The following ZNF184 variants were observed in gnomAD, a reference collection of about 807,000 sequenced individuals.
ZNF184 encodes zinc finger protein 184 (Kruppel-like).
In ZNF184, 16 loss-of-function variants were observed where a neutral mutation model predicts 54.4. That is an observed-to-expected ratio of 0.29 (90% CI 0.20 to 0.45). The LOEUF (loss-of-function observed/expected upper bound fraction) is 0.45. ZNF184 is among the 20% of genes least tolerant of loss of function. ZNF184 has a pLI of 1.00. For missense variants in ZNF184, 681 were observed against 888.2 expected, an observed-to-expected ratio of 0.77 and a Z score of 2.97; for synonymous variants, 254 against 295.3, an observed-to-expected ratio of 0.86 and a Z score of 1.43.
rs542830377 is a variant in ZNF184 at position 27,462,411 on chromosome 6, A to G, written c.76-5002T>C. Among the ~76,000 whole-genome samples the G allele has an allele frequency of 1.5e-3, 230 of 151,678 alleles. 1 individual carries two copies. Among genetic ancestry groups the G allele is most frequent in the African/African-American group, 5.0e-3 (205 of 41,356 alleles). Reference sequence around the variant, plus strand: ...GACGGGGTTTCACTGTGTTAGCCAGAATGATCTCGATCTGCTGACCTCGTG... The same window carrying G: ...GACGGGGTTTCACTGTGTTAGCCAGGATGATCTCGATCTGCTGACCTCGTG... On this transcript the variant is annotated intron_variant, in intron 3 of 5. Coordinates refer to ENST00000683788, the MANE Select transcript of ZNF184 (RefSeq NM_001318891.2).
In ZNF184 at chr6:27,467,940, C is replaced by A; in HGVS notation, c.8-20G>T. ...ACAGATCTAGGGGGAGAAGCAGGAG[C>A]CATATGACTTCTGTTCAATTTAGCC... On this transcript the variant is annotated intron_variant, in intron 2 of 5. Coordinates refer to ENST00000683788, the MANE Select transcript of ZNF184 (RefSeq NM_001318891.2). 1.9e-6 allele frequency: 3 copies of A among 1,561,530 alleles called. No individual in the cohort carries two copies. Among genetic ancestry groups the A allele is most frequent in the Non-Finnish European group, 2.6e-6 (3 of 1,150,182 alleles).
At chr6:27,460,418 A>G (rs559665317) in intron 3 of ZNF184, among the ~76,000 whole-genome samples, 56 of 152,344 alleles carry the variant, frequency 3.7e-4, no homozygotes, top group African/African-American at 1.3e-3. Context: ...TATAAATAAA[A>G]CTGAACAATA....
At chr6:27,425,067 C>T in the ZNF184 span, among the ~76,000 whole-genome samples, 1 of 152,224 alleles carries the variant, frequency 6.6e-6, no homozygotes, top group Non-Finnish European at 1.5e-5. Flanking sequence ...GCCGCTGGCC[C>T]AGGTGCCAAG....
chr6:27,429,285 C>T, the ZNF184 span, among the ~76,000 whole-genome samples: 10 of 152,280 alleles, frequency 6.6e-5, no homozygotes, highest in South Asian at 4.1e-4. Context: ...CTTCCTTTTG[C>T]GACAAACTTG....
the ZNF184 span, among the ~76,000 whole-genome samples, chr6:27,418,409 A>G: frequency 7.9e-5 from 12 of 152,306 alleles, no homozygotes; most frequent in Admixed American, 4.6e-4. Context: ...TTTGTTTAAT[A>G]TATTTTGTCC....
the ZNF184 span, among the ~76,000 whole-genome samples, chr6:27,413,281 CAG>C: frequency 6.6e-6 from 1 of 151,922 alleles, no homozygotes; most frequent in Non-Finnish European, 1.5e-5. Context: ...GAAAAAAAAA[CAG>C]ATTTAAGAAA....
intron 3 of ZNF184, among the ~76,000 whole-genome samples, chr6:27,458,124 A>C (rs1259084584): frequency 6.6e-6 from 1 of 152,024 alleles, no homozygotes; most frequent in African/African-American, 2.4e-5. Flanking sequence ...ATCGTAAAGA[A>C]AAAGTCAAAA....
At chr6:27,413,192 A>G in the ZNF184 span, among the ~76,000 whole-genome samples, 2 of 152,182 alleles carry the variant, frequency 1.3e-5, no homozygotes, top group Non-Finnish European at 2.9e-5. Context: ...TGGGAGGTGG[A>G]GGTTGTCGTG....
intron 3 of ZNF184, among the ~76,000 whole-genome samples, chr6:27,465,713 T>C (rs1438275917): frequency 6.6e-6 from 1 of 152,176 alleles, no homozygotes; most frequent in Non-Finnish European, 1.5e-5. Context: ...TAAATGTTTA[T>C]GCACCTAATA....
the ZNF184 span, chr6:27,406,790 A>C: frequency 6.6e-6 from 1 of 152,150 alleles, no homozygotes; most frequent in African/African-American, 2.4e-5. Flanking sequence ...CTCATGCTCT[A>C]TTTTCTGGCA....
At chr6:27,421,377 A>G in the ZNF184 span, among the ~76,000 whole-genome samples, 1 of 152,204 alleles carries the variant, frequency 6.6e-6, no homozygotes, top group Admixed American at 6.5e-5. Flanking sequence ...TTTTTTCATG[A>G]ACCTAAAACT....
At chr6:27,444,025 C>T in the ZNF184 span, among the ~76,000 whole-genome samples, 1 of 152,172 alleles carries the variant, frequency 6.6e-6, no homozygotes, top group Non-Finnish European at 1.5e-5. Flanking sequence ...GAACTCACGA[C>T]CCAATTATCT....
chr6:27,428,066 A>G, the ZNF184 span, among the ~76,000 whole-genome samples: 1 of 152,186 alleles, frequency 6.6e-6, no homozygotes, highest in Admixed American at 6.5e-5. The surrounding 1 kb of genome is among the most constrained non-coding windows in gnomAD (Gnocchi z 4.1). Context: ...TAATTCAAAT[A>G]TGAGCTCTCA....
At chr6:27,425,595 T>C in the ZNF184 span, among the ~76,000 whole-genome samples, 1 of 152,364 alleles carries the variant, frequency 6.6e-6, no homozygotes, top group South Asian at 2.1e-4. Context: ...CACCATACTG[T>C]TCTATTTTGT....
chr6:27,451,458 TAC>T lies in ZNF184; in HGVS notation c.2099_2100del (p.Cys700Ter). 1 of 1,614,158 alleles carries T rather than the reference TAC, an allele frequency of 6.2e-7. No individual in the cohort carries two copies. The highest frequency in any genetic ancestry group is 8.5e-7 in the Non-Finnish European group (1 of 1,179,994). ...NTHTGEKPYNCNECRKTFSQS... is the reference protein window; with the variant it reads ...NTHTGEKPYNXNECRKTFSQS... ...TGGCTAAAAGTCTTTCTGCATTCATTACAGTTATAAGGTTTCTCTCCAGTATG... is the reference window on the plus strand; with the variant it reads ...TGGCTAAAAGTCTTTCTGCATTCATTAGTTATAAGGTTTCTCTCCAGTATG... On this transcript the variant is annotated frameshift_variant, in exon 6 of 6. Transcript: ENST00000683788. LOFTEE classifies it high-confidence loss of function.
Position 27,453,004 on chromosome 6 carries a change from T to C in ZNF184, c.555A>G (p.Lys185=). ...CAAGGTTTGAACTCACATTGACACT[T>C]TTCCCAAATTCATTATTTACAGGGC... is the stretch of plus-strand genomic sequence containing the variant. ...EKGPVNNEFG[K]SVNVSSNLVT... The change falls in exon 6 of 6, where the codon AAA becomes AAG. Residue 185 remains lysine (K), a synonymous_variant. Transcript: ENST00000683788. This position sits in a 1 kb window ranked among gnomAD's most constrained non-coding sequence, Gnocchi z 4.7. 6.2e-7 allele frequency: 1 copy of C among 1,614,162 alleles called. No homozygotes were observed. Among genetic ancestry groups the C allele is most frequent in the Non-Finnish European group, 8.5e-7 (1 of 1,180,008 alleles).
At chr6:27,443,950 A>C in the ZNF184 span, among the ~76,000 whole-genome samples, 1,801 of 151,552 alleles carry the variant, frequency 0.012, 66 homozygotes, top group East Asian at 0.1. Context: ...AGCTTACTCC[A>C]CTCCTGCTCT....
chr6:27,412,745 T>C, the ZNF184 span, among the ~76,000 whole-genome samples: 1 of 152,136 alleles, frequency 6.6e-6, no homozygotes, highest in Non-Finnish European at 1.5e-5. Flanking sequence ...ATTGGTTTGG[T>C]TGGGAAAGGC....
In ZNF184 at chr6:27,451,054, TAATCTACTCCAAATCC is replaced by T; in HGVS notation, c.*233_*248del. ...ATAAAACTCCAAACTACCTTTGAAA[TAATCTACTCCAAATCC>T]TTCATTCCATAAAGGAAACTAAAGC... On this transcript the variant is annotated 3_prime_UTR_variant, in exon 6 of 6. Transcript: ENST00000683788. 2.6e-6 allele frequency: 1 copy of T among 388,202 alleles called. No homozygotes were observed. Among genetic ancestry groups the T allele is most frequent in the East Asian group, 3.9e-5 (1 of 25,602 alleles). The allele number at this position is 388,202 out of a possible 1,614,324, so 24.0% of individuals were successfully genotyped here. A position where few individuals can be genotyped will look rare whatever the true frequency, so the allele number is the denominator to read the frequency against.
Sources: gnomAD v4.1 joint callset for allele counts (sites outside exome capture counted in the v4.1 genomes callset) on GRCh38, gnomAD v4.1.1 for gene constraint, Gnocchi (gnomAD v3.1) non-coding constraint, MANE v1.5 for transcripts, NCBI Gene and HGNC (gene_info 2026-07-23, HGNC 2026-07-21) for gene names.